Variants in SRGAP2C observed in about 807,000 individuals in gnomAD.
The protein encoded by SRGAP2C is SLIT-ROBO Rho GTPase-activating protein 2C.
A neutral mutation model predicts 25.1 loss-of-function variants in SRGAP2C; 15 were observed. The observed-to-expected ratio is 0.60, with a 90% CI of 0.40 to 0.92. The LOEUF is 0.92. SRGAP2C is among the 40% of genes least tolerant of loss of function. The probability of loss-of-function intolerance (pLI) is 0.00; values close to 1 mark genes in which losing one functional copy is unlikely to be tolerated. For synonymous variants in SRGAP2C, 44 were observed against 96.6 expected (o/e 0.46, Z 3.19); for missense variants, 144 against 264.4 (o/e 0.54, Z 3.16).
intron 7 of SRGAP2C, among the ~76,000 whole-genome samples, chr1:121,382,356 TATA>T (rs1659840096): frequency 6.6e-6 from 1 of 150,520 alleles, no homozygotes; most frequent in African/African-American, 2.4e-5. Context: ...TGAATTTTGT[TATA>T]ATGACAACCC....
intron 4 of SRGAP2C, chr1:121,361,814 G>A (rs1255190583): frequency 7.1e-6 from 1 of 141,586 alleles, no homozygotes; most frequent in Admixed American, 7.1e-5. Context: ...ACATTTAAGA[G>A]AAAAACTTTG....
chr1:121,314,962 G>A, intron 3 of SRGAP2C: 2 of 996,746 alleles, frequency 2.0e-6, no homozygotes, highest in South Asian at 1.3e-5. Flanking sequence ...GCCAGGGCTT[G>A]AAGCAGACAA....
intron 2 of SRGAP2C, among the ~76,000 whole-genome samples, chr1:121,257,330 G>C (rs587757522): frequency 3.3e-5 from 5 of 150,244 alleles, no homozygotes; most frequent in African/African-American, 1.2e-4. Context: ...TTGCCAGGAT[G>C]GTCTCGATCT....
At chr1:121,279,863 C>T (rs1229349759) in intron 2 of SRGAP2C, among the ~76,000 whole-genome samples, 1 of 139,920 alleles carries the variant, frequency 7.1e-6, no homozygotes, top group African/African-American at 2.7e-5. Context: ...TAGGAATAGT[C>T]AATGCAGAAT....
In SRGAP2C at chr1:121,367,197, C is replaced by A. The variant is rs1162248403; in HGVS notation, c.486+1842C>A. On this transcript the variant is annotated intron_variant, in intron 5 of 9. Transcript: ENST00000367123. The stretch of plus-strand genomic sequence containing the variant: ...CATAAGGTGAGCTGGAATACACCTT[C>A]ATAATCTGTTAAAGGCCAAAATTAA... 2.6e-5 allele frequency among the ~76,000 whole-genome samples: 4 copies of A among 151,940 alleles called. No homozygotes were observed. In the East Asian group the frequency reaches 5.8e-4, roughly 22 times the overall value.
intron 2 of SRGAP2C, among the ~76,000 whole-genome samples, chr1:121,278,189 G>A (rs1321946555): frequency 8.6e-5 from 13 of 151,758 alleles, no homozygotes; most frequent in Admixed American, 2.0e-4. Context: ...TCTAGTAATC[G>A]GCCCACCTCG....
At chr1:121,224,096 A>T (rs587636887) in intron 2 of SRGAP2C, among the ~76,000 whole-genome samples, 1 of 152,060 alleles carries the variant, frequency 6.6e-6, no homozygotes, top group Admixed American at 6.6e-5. Flanking sequence ...AGACAAAGAA[A>T]TACAGTTTCT....
chr1:121,335,460 ATTTTTT>A (rs1162681731), intron 4 of SRGAP2C, among the ~76,000 whole-genome samples: 4 of 95,084 alleles, frequency 4.2e-5, no homozygotes, highest in African/African-American at 1.7e-4. Flanking sequence ...TTTATTTCAG[ATTTTTT>A]TTTTTTTTTT....
intron 4 of SRGAP2C, among the ~76,000 whole-genome samples, chr1:121,347,494 TA>T (rs1334144674): frequency 1.3e-5 from 2 of 149,944 alleles, no homozygotes; most frequent in African/African-American, 4.9e-5. Flanking sequence ...CTAAAAATTA[TA>T]AAAACATACC....
At position 121,269,849 on chromosome 1, in the gene SRGAP2C, T is replaced by C. The variant is rs1570751760; in HGVS notation, c.68-14954T>C. Among the ~76,000 whole-genome samples, 4 of 147,766 alleles carry C rather than the reference T, an allele frequency of 2.7e-5. No individual in the cohort carries two copies. In the Middle Eastern group the frequency reaches 0.011, roughly 393 times the overall value. On this transcript the variant is annotated intron_variant, in intron 2 of 9. Coordinates refer to ENST00000367123, the MANE Select transcript of SRGAP2C (RefSeq NM_001329984.2). Reference sequence around the variant, plus strand: ...ATATTTTTAAAGACATTTTTAGTTATATCTTCACTTTAGATGATTGTCTGG... The same window carrying C: ...ATATTTTTAAAGACATTTTTAGTTACATCTTCACTTTAGATGATTGTCTGG...
intron 3 of SRGAP2C, among the ~76,000 whole-genome samples, chr1:121,305,952 G>T (rs1388687790): frequency 2.0e-5 from 3 of 152,150 alleles, no homozygotes; most frequent in Non-Finnish European, 4.4e-5. Context: ...TGTACTGACA[G>T]GTTTAACCAT....
chr1:121,202,192 G>A (rs1295963357), intron 2 of SRGAP2C, among the ~76,000 whole-genome samples: 1 of 152,008 alleles, frequency 6.6e-6, no homozygotes, highest in African/African-American at 2.4e-5. Context: ...TCATGTTTTT[G>A]CTGCTGTGGC....
At chr1:121,329,293 C>A (rs1291012824) in intron 4 of SRGAP2C, among the ~76,000 whole-genome samples, 1 of 152,106 alleles carries the variant, frequency 6.6e-6, no homozygotes, top group Non-Finnish European at 1.5e-5. Flanking sequence ...TAGAATCCAA[C>A]GTTTTCATCT....
intron 2 of SRGAP2C, among the ~76,000 whole-genome samples, chr1:121,280,277 CATA>C (rs1483827116): frequency 1.3e-5 from 2 of 150,384 alleles, no homozygotes; most frequent in African/African-American, 2.4e-5. Flanking sequence ...TTTAAAAAAA[CATA>C]ATAAGAAAAA....
intron 2 of SRGAP2C, among the ~76,000 whole-genome samples, chr1:121,239,459 A>G: frequency 9.3e-6 from 1 of 108,072 alleles, no homozygotes; most frequent in East Asian, 2.7e-4. Flanking sequence ...TGAGGCAGCT[A>G]TGAGAAGACC....
At chr1:121,370,599 G>A (rs1276495145) in intron 5 of SRGAP2C, among the ~76,000 whole-genome samples, 19 of 150,576 alleles carry the variant, frequency 1.3e-4, no homozygotes, top group East Asian at 2.0e-4. Flanking sequence ...CCGCCACCAC[G>A]CCCAGTTAAT....
rs1553341082 is a variant in SRGAP2C at position 121,321,016 on chromosome 1, G to A, written c.261-3462G>A. ...TTTATTGGAGGAGGCACACACAGGC[G>A]TGAATGAAAAAATAAACCTATGCAA... On this transcript the variant is annotated intron_variant, in intron 3 of 9. Transcript: ENST00000367123. Among the ~76,000 whole-genome samples the A allele has an allele frequency of 7.9e-5, 12 of 152,238 alleles. No homozygotes were observed. The East Asian group carries it at 1.2e-3, about 15-fold the overall frequency.
At chr1:121,249,566 A>ATG in intron 2 of SRGAP2C, among the ~76,000 whole-genome samples, 1 of 33,238 alleles carries the variant, frequency 3.0e-5, no homozygotes, top group South Asian at 1.6e-3. Context: ...ATATATATAT[A>ATG]TATATATATA....
intron 7 of SRGAP2C, among the ~76,000 whole-genome samples, chr1:121,375,545 AAC>A (rs1659621780): frequency 6.7e-6 from 1 of 149,644 alleles, no homozygotes; most frequent in Non-Finnish European, 1.5e-5. Flanking sequence ...GCTGATCTGG[AAC>A]TCCTCACCTC....
Sources: allele counts gnomAD v4.1 joint callset (sites outside exome capture counted in the v4.1 genomes callset), GRCh38; gene constraint gnomAD v4.1.1; transcripts MANE v1.5; gene names NCBI Gene and HGNC (gene_info 2026-07-23, HGNC 2026-07-21).